The following CDH13 variants were observed in gnomAD, a reference collection of about 807,000 sequenced individuals.
CDH13 encodes the protein cadherin 13, also known as cadherin-13.
In CDH13, 24 loss-of-function variants were observed where a neutral mutation model predicts 63.8. That is an observed-to-expected ratio of 0.38 (90% CI 0.27 to 0.53). CDH13 has a LOEUF of 0.53. Among genes scored for constraint, CDH13 ranks in the 20% least tolerant of loss-of-function variants. CDH13 has a pLI of 0.85. For missense variants in CDH13, 1,049 were observed against 903.1 expected, an observed-to-expected ratio of 1.16 and a Z score of -2.07; for synonymous variants, 503 against 355.3, an observed-to-expected ratio of 1.42 and a Z score of -4.67.
chr16:83,175,928 A>G (rs1160078343), intron 4 of CDH13, among the ~76,000 whole-genome samples: 2 of 148,132 alleles, frequency 1.4e-5, no homozygotes, highest in African/African-American at 5.0e-5. Context: ...TCCCAGGTTC[A>G]AGCGATTCTC....
chr16:83,493,176 T>C (rs1238316795), intron 7 of CDH13, among the ~76,000 whole-genome samples: 1 of 152,240 alleles, frequency 6.6e-6, no homozygotes, highest in African/African-American at 2.4e-5. Context: ...TACTTATCTA[T>C]AAGCACTCTG....
At chr16:82,855,032 T>C (rs2151160055) in intron 1 of CDH13, among the ~76,000 whole-genome samples, 1 of 152,306 alleles carries the variant, frequency 6.6e-6, no homozygotes, top group Non-Finnish European at 1.5e-5. Context: ...AAGTCACCCA[T>C]GGCCCAGGAG....
intron 8 of CDH13, among the ~76,000 whole-genome samples, chr16:83,635,819 A>C (rs1269037357): frequency 6.6e-6 from 1 of 152,142 alleles, no homozygotes; most frequent in Non-Finnish European, 1.5e-5. Context: ...TGCAAGTCCA[A>C]TTTATACTTT....
chr16:83,526,248 T>G (rs1423047701), intron 7 of CDH13, among the ~76,000 whole-genome samples: 1 of 152,196 alleles, frequency 6.6e-6, no homozygotes, highest in Non-Finnish European at 1.5e-5. Flanking sequence ...GTTTTGTTTT[T>G]TTCCTCTTTA....
chr16:83,552,855 C>A (rs2075532366), intron 7 of CDH13, among the ~76,000 whole-genome samples: 1 of 152,116 alleles, frequency 6.6e-6, no homozygotes, highest in Admixed American at 6.5e-5. Flanking sequence ...CCAAGGTCGG[C>A]AGATCACAAG....
rs970059931 is a variant in CDH13 at position 83,180,988 on chromosome 16, T to G, written c.484-36357T>G. On this transcript the variant is annotated intron_variant, in intron 4 of 13. Transcript: ENST00000567109. ...ACATCCTATTTGGCGACATTATTGC[T>G]TTAAAGGAATAAATCACAAACATTT... The G allele has an allele frequency of 9.8e-6, 15 of 1,529,222 alleles. No homozygotes were observed. The African/African-American group carries it at 1.8e-4, about 18-fold the overall frequency. 94.7% of individuals were successfully genotyped at this position (1,529,222 alleles called of 1,614,324 possible).
chr16:83,600,190 G>A (rs1359775132), intron 7 of CDH13, among the ~76,000 whole-genome samples: 1 of 152,324 alleles, frequency 6.6e-6, no homozygotes, highest in East Asian at 1.9e-4. Context: ...AGCGCCGGCT[G>A]ACCCAGCCAG....
Position 83,671,089 on chromosome 16 carries a change from TC to T in CDH13, c.1284+118del, listed in dbSNP as rs1335320931. 12 of 870,544 alleles carry T rather than the reference TC, an allele frequency of 1.4e-5. No individual in the cohort carries two copies. In the East Asian group the frequency reaches 2.9e-4, roughly 21 times the overall value. 53.9% of individuals were successfully genotyped at this position (870,544 alleles called of 1,614,324 possible). ...AGATAAATTCCCCCAGTCTCCTCCT[TC>T]TGGGAATTAACAAAGGAAAAGGCTC... On this transcript the variant is annotated intron_variant, in intron 9 of 13. Coordinates refer to ENST00000567109, the MANE Select transcript of CDH13 (RefSeq NM_001257.5).
chr16:82,850,671 A>G (rs1460903327), intron 1 of CDH13, among the ~76,000 whole-genome samples: 1 of 152,202 alleles, frequency 6.6e-6, no homozygotes, highest in Non-Finnish European at 1.5e-5. Context: ...CGTGAAAGGA[A>G]GAGTCGATAG....
intron 6 of CDH13, among the ~76,000 whole-genome samples, chr16:83,354,615 G>A (rs1213261547): frequency 2.0e-5 from 3 of 152,174 alleles, no homozygotes; most frequent in Admixed American, 2.0e-4. Context: ...CTCTAAAGAG[G>A]TGATGTTGAA....
intron 8 of CDH13, chr16:83,654,934 A>T (rs770382792): frequency 2.6e-5 from 4 of 152,220 alleles, no homozygotes; most frequent in Non-Finnish European, 5.9e-5. Flanking sequence ...ACGTGTTCTC[A>T]GTCCACCAGT....
At chr16:83,271,220 C>T (rs186958601) in intron 5 of CDH13, among the ~76,000 whole-genome samples, 26 of 151,766 alleles carry the variant, frequency 1.7e-4, no homozygotes, top group African/African-American at 6.0e-4. Flanking sequence ...AACTGAATCA[C>T]ATATTGTATC....
intron 9 of CDH13, among the ~76,000 whole-genome samples, chr16:83,675,053 T>C (rs1469950187): frequency 6.6e-6 from 1 of 152,148 alleles, no homozygotes; most frequent in African/African-American, 2.4e-5. Flanking sequence ...AGGGCAGTGG[T>C]TTACACCCTC....
chr16:83,626,144 G>A (rs895148862), intron 8 of CDH13, among the ~76,000 whole-genome samples: 2 of 152,082 alleles, frequency 1.3e-5, no homozygotes, highest in African/African-American at 4.8e-5. Context: ...CTGCGTAGCT[G>A]GGGCTACACA....
Position 83,270,031 on chromosome 16 carries a change from C to T in CDH13, c.636+52534C>T, listed in dbSNP as rs75280155. ...AGAAATAGATCTTCTGCAACATTTT[C>T]ATTAATCTCTTTATTAAATGTAACT... is the stretch of plus-strand genomic sequence containing the variant. On this transcript the variant is annotated intron_variant, in intron 5 of 13. Transcript: ENST00000567109. 2.5e-3 allele frequency among the ~76,000 whole-genome samples: 388 copies of T among 152,278 alleles called. 6 individuals are homozygous for T. Among genetic ancestry groups the T allele is most frequent in the East Asian group, 0.022 (112 of 5,184 alleles).
intron 10 of CDH13, among the ~76,000 whole-genome samples, chr16:83,743,372 C>T (rs1038495773): frequency 6.6e-6 from 1 of 152,116 alleles, no homozygotes; most frequent in Non-Finnish European, 1.5e-5. Flanking sequence ...GGAAATGTGG[C>T]GCAGGCAGGC....
intron 10 of CDH13, among the ~76,000 whole-genome samples, chr16:83,703,728 G>A (rs921726191): frequency 2.4e-4 from 36 of 152,188 alleles, no homozygotes; most frequent in Middle Eastern, 3.4e-3. Flanking sequence ...AAGAAACAAG[G>A]GGCAAGGAGA....
Position 83,047,341 on chromosome 16 carries a change from C to G in CDH13, c.366+15123C>G, listed in dbSNP as rs562654138. ...CCTTGCATTGTCCATTCTCGTAAAC[C>G]GTGGTTAACACAGATAATTGAGACT... On this transcript the variant is annotated intron_variant, in intron 3 of 13. Coordinates refer to ENST00000567109, the MANE Select transcript of CDH13 (RefSeq NM_001257.5). The surrounding 1 kb of genome is among the most constrained non-coding windows in gnomAD (Gnocchi z 4.9). Among the ~76,000 whole-genome samples, 13 of 152,232 alleles carry G rather than the reference C, an allele frequency of 8.5e-5. No homozygotes were observed. Among genetic ancestry groups the G allele is most frequent in the Admixed American group, 8.5e-4 (13 of 15,280 alleles).
intron 7 of CDH13, among the ~76,000 whole-genome samples, chr16:83,512,941 T>C (rs922268225): frequency 6.6e-6 from 1 of 151,834 alleles, no homozygotes; most frequent in African/African-American, 2.4e-5. Context: ...GAACCTCTGA[T>C]CAAGCCCTGC....
Sources: allele counts gnomAD v4.1 joint callset (sites outside exome capture counted in the v4.1 genomes callset), GRCh38; gene constraint gnomAD v4.1.1; non-coding constraint Gnocchi (gnomAD v3.1); transcripts MANE v1.5; gene names NCBI Gene and HGNC (gene_info 2026-07-23, HGNC 2026-07-21).